TBC1D8: variants seen among roughly 807,000 people sequenced by gnomAD.
The protein encoded by TBC1D8 is BUB2-like protein 1.
Under a neutral mutation model 118.8 loss-of-function variants are expected in TBC1D8, and 65 were observed. The observed-to-expected ratio is 0.55, with a 90% CI of 0.45 to 0.67. The LOEUF (loss-of-function observed/expected upper bound fraction) is 0.67, where lower values mean the gene tolerates loss of function less well. Among genes scored for constraint, TBC1D8 ranks in the 30% least tolerant of loss-of-function variants. TBC1D8 has a pLI of 0.00. For missense variants in TBC1D8, 1,376 were observed against 1,471.2 expected (o/e 0.94, Z 1.06); for synonymous variants, 566 against 595.8 (o/e 0.95, Z 0.73).
chr2:101,081,016 C>T (rs192900138), intron 2 of TBC1D8, among the ~76,000 whole-genome samples: 32 of 152,156 alleles, frequency 2.1e-4, no homozygotes, highest in African/African-American at 7.0e-4. Context: ...CCTGAAGCAA[C>T]CCTCCCACCT....
chr2:101,010,835 TCG>T (rs1261969795), intron 19 of TBC1D8, 92 bp downstream of exon 19: 2 of 1,014,404 alleles, frequency 2.0e-6, no homozygotes, highest in African/African-American at 3.3e-5. Flanking sequence ...TGGGCTGAGA[TCG>T]CGCCACTGTA....
chr2:101,127,276 C>A (rs2104247721), intron 1 of TBC1D8, among the ~76,000 whole-genome samples: 1 of 151,186 alleles, frequency 6.6e-6, no homozygotes, highest in African/African-American at 2.4e-5. Context: ...GCAGAGGTTG[C>A]AGTGAGCCAA....
chr2:101,079,165 GTCA>G (rs1231415489), intron 2 of TBC1D8, among the ~76,000 whole-genome samples: 1 of 152,110 alleles, frequency 6.6e-6, no homozygotes, highest in Non-Finnish European at 1.5e-5. Context: ...TCATTTGCCA[GTCA>G]TCTCCTTTTG....
chr2:101,086,903 C>A lies in TBC1D8; in HGVS notation c.283+3306G>T, dbSNP rs532973666. Among the ~76,000 whole-genome samples the A allele has an allele frequency of 2.0e-5, 3 of 152,118 alleles. No individual in the cohort carries two copies. The South Asian group carries it at 6.2e-4, about 32-fold the overall frequency. ...GGCTCAAGCGATTCTCCTGCCTCAG[C>A]TTCCTGAGTAGCTGAGATTACAGGC... On this transcript the variant is annotated intron_variant, in intron 2 of 19. Coordinates refer to ENST00000409318, the MANE Select transcript of TBC1D8 (RefSeq NM_001330348.2).
At chr2:101,083,078 C>T (rs1675369390) in intron 2 of TBC1D8, among the ~76,000 whole-genome samples, 1 of 152,124 alleles carries the variant, frequency 6.6e-6, no homozygotes, top group Non-Finnish European at 1.5e-5. Context: ...CGGCAGAAAG[C>T]GCCCAAGGAG....
chr2:101,093,746 A>G (rs2105460698), intron 1 of TBC1D8, among the ~76,000 whole-genome samples: 1 of 151,722 alleles, frequency 6.6e-6, no homozygotes, highest in East Asian at 2.0e-4. Flanking sequence ...GGGTCACTCT[A>G]TCGCCCAGGT....
intron 17 of TBC1D8, among the ~76,000 whole-genome samples, chr2:101,020,891 C>T (rs890845655): frequency 6.6e-6 from 1 of 152,174 alleles, no homozygotes; most frequent in Non-Finnish European, 1.5e-5. Flanking sequence ...TCTTGGTGAT[C>T]AGATTGAAAA....
intron 1 of TBC1D8, among the ~76,000 whole-genome samples, chr2:101,109,159 C>T (rs1021043881): frequency 6.6e-6 from 1 of 152,020 alleles, no homozygotes; most frequent in Non-Finnish European, 1.5e-5. Context: ...GTGGGGGAGT[C>T]GCATGAAACC....
At position 101,007,722 on chromosome 2, in the gene TBC1D8, A is replaced by G. The variant is rs1678834099; in HGVS notation, c.*99T>C. The stretch of plus-strand genomic sequence containing the variant: ...TTGTTTAGCCAGATGCCCCATTGGT[A>G]AGGTAGACTGAAATCTCGGTTTAGG... On this transcript the variant is annotated 3_prime_UTR_variant, in exon 20 of 20. Transcript: ENST00000409318. 6 of 1,251,038 alleles carry G rather than the reference A, an allele frequency of 4.8e-6. No individual in the cohort carries two copies. Among genetic ancestry groups the G allele is most frequent in the Non-Finnish European group, 1.1e-6 (1 of 891,678 alleles). The allele number at this position is 1,251,038 out of a possible 1,614,324, so 77.5% of individuals were successfully genotyped here.
At chr2:101,107,307 C>T (rs1677286737) in intron 1 of TBC1D8, among the ~76,000 whole-genome samples, 2 of 152,064 alleles carry the variant, frequency 1.3e-5, no homozygotes. Context: ...ATACCCCAAT[C>T]GCTGGTAAAG....
intron 1 of TBC1D8, among the ~76,000 whole-genome samples, chr2:101,125,226 T>C (rs1348873635): frequency 6.6e-6 from 1 of 152,196 alleles, no homozygotes; most frequent in Admixed American, 6.5e-5. Flanking sequence ...GTTCAGATTC[T>C]GACAACACAA....
intron 15 of TBC1D8, among the ~76,000 whole-genome samples, chr2:101,023,060 G>A (rs1274866019): frequency 6.6e-6 from 1 of 151,844 alleles, no homozygotes; most frequent in African/African-American, 2.4e-5. Context: ...CAGGAGAATC[G>A]CTTGAACTCC....
intron 17 of TBC1D8, among the ~76,000 whole-genome samples, chr2:101,020,947 C>T (rs922326059): frequency 6.6e-6 from 1 of 152,084 alleles, no homozygotes; most frequent in Non-Finnish European, 1.5e-5. Context: ...TTTCAGGCAT[C>T]CACGGGGAGT....
intron 4 of TBC1D8, among the ~76,000 whole-genome samples, chr2:101,051,553 A>G (rs943961444): frequency 5.3e-5 from 8 of 152,156 alleles, no homozygotes; most frequent in South Asian, 2.1e-4. Context: ...TGCAAACTAG[A>G]TATCTCACAA....
intron 5 of TBC1D8, 42 bp downstream of exon 5, chr2:101,050,359 C>A: frequency 6.3e-7 from 1 of 1,589,730 alleles, no homozygotes; most frequent in South Asian, 1.1e-5. Flanking sequence ...GCTTATGGGT[C>A]CCCCGTGCGG....
chr2:101,010,845 G>A, intron 19 of TBC1D8, 84 bp downstream of exon 19: 3 of 1,175,404 alleles, frequency 2.6e-6, no homozygotes. Context: ...TCGCGCCACT[G>A]TACTCCAGCC....
rs572822148 is a variant in TBC1D8 at position 101,144,134 on chromosome 2, T to C, written c.127+6993A>G. Among the ~76,000 whole-genome samples, 91 of 152,356 alleles carry C rather than the reference T, an allele frequency of 6.0e-4. 1 individual carries two copies. Among genetic ancestry groups the C allele is most frequent in the African/African-American group, 2.0e-3 (85 of 41,580 alleles). The stretch of plus-strand genomic sequence containing the variant: ...ATCCCCTCAAGATTGTACTACTTGA[T>C]GTCTACATCCATGTATTTCACAAAT... On this transcript the variant is annotated intron_variant, in intron 1 of 19. Coordinates refer to ENST00000409318, the MANE Select transcript of TBC1D8 (RefSeq NM_001330348.2).
At chr2:101,072,936 G>C (rs1316206311) in intron 2 of TBC1D8, among the ~76,000 whole-genome samples, 1 of 152,166 alleles carries the variant, frequency 6.6e-6, no homozygotes, top group Admixed American at 6.5e-5. Flanking sequence ...TTCAATATGA[G>C]ATTCGAAGGG....
At chr2:101,108,709 T>C (rs541563930) in intron 1 of TBC1D8, among the ~76,000 whole-genome samples, 3 of 152,130 alleles carry the variant, frequency 2.0e-5, no homozygotes, top group South Asian at 4.2e-4. Context: ...TGTGATCACA[T>C]TGGCACCCCA....
Sources: allele counts gnomAD v4.1 joint callset (sites outside exome capture counted in the v4.1 genomes callset), GRCh38; gene constraint gnomAD v4.1.1; transcripts MANE v1.5; gene names NCBI Gene and HGNC (gene_info 2026-07-23, HGNC 2026-07-21).